The following CPLX2 variants were observed in gnomAD, a reference collection of about 807,000 sequenced individuals.
The protein encoded by CPLX2 is complexin 2.
A neutral mutation model predicts 16.3 loss-of-function variants in CPLX2; 5 were observed. The ratio of observed to expected loss-of-function variants is 0.31; its 90% CI spans 0.16 to 0.64. CPLX2 has a LOEUF of 0.64. Among genes scored for constraint, CPLX2 ranks in the 30% least tolerant of loss-of-function variants. The pLI is 0.79. For synonymous variants in CPLX2, 89 were observed against 73.2 expected, an observed-to-expected ratio of 1.22 and a Z score of -1.10; for missense variants, 144 against 181.4, an observed-to-expected ratio of 0.79 and a Z score of 1.18.
At chr5:175,833,426 G>A (rs1055871793) in intron 2 of CPLX2, among the ~76,000 whole-genome samples, 5 of 152,158 alleles carry the variant, frequency 3.3e-5, no homozygotes, top group African/African-American at 1.2e-4. Context: ...GCTCAAGTCT[G>A]TAATACAAAG....
intron 2 of CPLX2, among the ~76,000 whole-genome samples, chr5:175,840,439 C>T (rs1758924296): frequency 1.3e-5 from 2 of 152,168 alleles, no homozygotes; most frequent in South Asian, 4.1e-4. Flanking sequence ...AACTCCACCA[C>T]CAGGTGGACC....
chr5:175,844,638 A>G (rs939277448), intron 2 of CPLX2, among the ~76,000 whole-genome samples: 10 of 152,260 alleles, frequency 6.6e-5, no homozygotes, highest in African/African-American at 2.2e-4. Context: ...TATGAAGAAC[A>G]GAGAGAACAG....
intron 2 of CPLX2, among the ~76,000 whole-genome samples, chr5:175,839,434 C>G (rs767759839): frequency 5.3e-5 from 8 of 152,042 alleles, no homozygotes; most frequent in Non-Finnish European, 1.0e-4. Context: ...TACGGGCATG[C>G]ACCACCATGC....
At chr5:175,822,116 C>T (rs1394245516) in intron 2 of CPLX2, among the ~76,000 whole-genome samples, 1 of 152,196 alleles carries the variant, frequency 6.6e-6, no homozygotes, top group East Asian at 1.9e-4. Context: ...CTTTATAGTT[C>T]TCTGATTCTG....
chr5:175,817,079 C>A (rs1208622070), intron 2 of CPLX2, among the ~76,000 whole-genome samples: 1 of 152,220 alleles, frequency 6.6e-6, no homozygotes, highest in Non-Finnish European at 1.5e-5. Context: ...ACAGCCTTGG[C>A]CAGACCATGG....
chr5:175,868,454 C>A (rs928746084), upstream of CPLX2, among the ~76,000 whole-genome samples: 2 of 152,330 alleles, frequency 1.3e-5, no homozygotes, highest in African/African-American at 4.8e-5. Flanking sequence ...AACCCCTCCT[C>A]CTGCCCCCAG....
intron 1 of CPLX2, among the ~76,000 whole-genome samples, chr5:175,797,752 G>GA (rs771590139): frequency 1.3e-5 from 2 of 152,140 alleles, no homozygotes; most frequent in Non-Finnish European, 2.9e-5. Context: ...AGACGGCAGA[G>GA]AAGGCAGGGG....
intron 2 of CPLX2, among the ~76,000 whole-genome samples, chr5:175,811,491 T>C (rs1758311289): frequency 6.6e-6 from 1 of 152,216 alleles, no homozygotes; most frequent in Non-Finnish European, 1.5e-5. Flanking sequence ...CTCAGAGTGA[T>C]GTCGAATAGG....
At chr5:175,821,620 C>A (rs897155828) in intron 2 of CPLX2, among the ~76,000 whole-genome samples, 5 of 152,110 alleles carry the variant, frequency 3.3e-5, no homozygotes, top group African/African-American at 1.2e-4. Context: ...GCTGGCCATG[C>A]TAGTCATGAA....
chr5:175,879,909 G>T lies in CPLX2; in HGVS notation c.269G>T (p.Cys90Phe), dbSNP rs1483564147. 1 of 1,613,930 alleles carries T rather than the reference G, an allele frequency of 6.2e-7. No individual in the cohort carries two copies. The highest frequency in any genetic ancestry group is 1.3e-5 in the African/African-American group (1 of 75,042). Residue 90 changes from cysteine to phenylalanine, a missense_variant, in exon 4 of 4, where the codon TGC (cysteine) becomes TTC (phenylalanine). Cys to Phe is a radical substitution (Grantham distance 205). Transcript: ENST00000393745. Reference sequence around the variant, plus strand: ...GAGAAAGCAGCCCTGGAGCAGCCCTGCGAGGGGAGCCTGACCCGGCCCAAG... The same window carrying T: ...GAGAAAGCAGCCCTGGAGCAGCCCTTCGAGGGGAGCCTGACCCGGCCCAAG... ...AEEKAALEQPCEGSLTRPKKA... is the reference protein window; with the variant it reads ...AEEKAALEQPFEGSLTRPKKA...
intron 2 of CPLX2, among the ~76,000 whole-genome samples, chr5:175,836,162 A>G (rs894031204): frequency 1.3e-5 from 2 of 152,130 alleles, no homozygotes; most frequent in Non-Finnish European, 2.9e-5. Context: ...CATCCTGGCT[A>G]ACACGGTGAA....
chr5:175,868,549 C>G (rs910036485), upstream of CPLX2, among the ~76,000 whole-genome samples: 1 of 152,198 alleles, frequency 6.6e-6, no homozygotes, highest in Non-Finnish European at 1.5e-5. Flanking sequence ...CCAGGTGACT[C>G]TTAGAAGCTG....
rs542620836 is a variant in CPLX2 at position 175,829,311 on chromosome 5, C to T, written c.-89+20243C>T. 3.9e-5 allele frequency among the ~76,000 whole-genome samples: 6 copies of T among 152,350 alleles called. No individual in the cohort carries two copies. In the East Asian group the frequency reaches 9.6e-4, roughly 24 times the overall value. ...CTGAAACCAGCTGGTAAATAAGCTGCAGAGAGGGCACTGGACCAGGCCCAC... is the reference window on the plus strand; with the variant it reads ...CTGAAACCAGCTGGTAAATAAGCTGTAGAGAGGGCACTGGACCAGGCCCAC... On this transcript the variant is annotated intron_variant, in intron 2 of 4. Coordinates refer to the CPLX2 transcript ENST00000359546.
rs1302376121 is a variant in CPLX2 at position 175,845,323 on chromosome 5, C to T, written c.-88-33329C>T. 6.6e-6 allele frequency among the ~76,000 whole-genome samples: 1 copy of T among 152,242 alleles called. No individual in the cohort carries two copies. Among genetic ancestry groups the T allele is most frequent in the African/African-American group, 2.4e-5 (1 of 41,454 alleles). On this transcript the variant is annotated intron_variant, in intron 2 of 4. Coordinates refer to the CPLX2 transcript ENST00000359546. This position sits in a 1 kb window ranked among gnomAD's most constrained non-coding sequence, Gnocchi z 4.0. Reference sequence around the variant, plus strand: ...CTCTGGGACCCGCAAGGCCCCACATCACCTGGCTCCTGCGGCCTCTCCGGC... The same window carrying T: ...CTCTGGGACCCGCAAGGCCCCACATTACCTGGCTCCTGCGGCCTCTCCGGC...
chr5:175,842,140 AGAG>A (rs1758955552), intron 2 of CPLX2, among the ~76,000 whole-genome samples: 1 of 152,228 alleles, frequency 6.6e-6, no homozygotes, highest in Non-Finnish European at 1.5e-5. Flanking sequence ...GTGGGAGCCC[AGAG>A]GAGGAGACAG....
intron 1 of CPLX2, among the ~76,000 whole-genome samples, chr5:175,877,249 A>G (rs1372972843): frequency 6.9e-6 from 1 of 144,836 alleles, no homozygotes; most frequent in African/African-American, 2.6e-5. Flanking sequence ...CCTACACATC[A>G]TGACTTTCTC....
chr5:175,812,439 C>A (rs1265451219), intron 2 of CPLX2, among the ~76,000 whole-genome samples: 1 of 152,134 alleles, frequency 6.6e-6, no homozygotes, highest in African/African-American at 2.4e-5. Flanking sequence ...CTTTGTACCC[C>A]CTAAAAATCT....
At chr5:175,803,870 T>C (rs908464199) in intron 1 of CPLX2, among the ~76,000 whole-genome samples, 2 of 152,188 alleles carry the variant, frequency 1.3e-5, no homozygotes, top group Non-Finnish European at 2.9e-5. Flanking sequence ...TCTGCAGGAC[T>C]CACCTGCTGG....
chr5:175,799,571 T>TATATAG, intron 1 of CPLX2, among the ~76,000 whole-genome samples: 1 of 143,104 alleles, frequency 7.0e-6, no homozygotes. Context: ...TATATATATA[T>TATATAG]ATATAGTAAT....
Sources: allele counts gnomAD v4.1 joint callset (sites outside exome capture counted in the v4.1 genomes callset), GRCh38; gene constraint gnomAD v4.1.1; non-coding constraint Gnocchi (gnomAD v3.1); transcripts MANE v1.5; gene names NCBI Gene and HGNC (gene_info 2026-07-23, HGNC 2026-07-21).